DTNB: variants seen among roughly 807,000 people sequenced by gnomAD.
The protein encoded by DTNB is dystrobrevin beta, also known as DTN-B.
A neutral mutation model predicts 90.7 loss-of-function variants in DTNB; 63 were observed. The ratio of observed to expected loss-of-function variants is 0.69; its 90% confidence interval spans 0.57 to 0.86. DTNB has a LOEUF of 0.86. Ranked by LOEUF, DTNB falls within the 40% of genes least tolerant of loss-of-function variation. The pLI, the probability that DTNB is intolerant of heterozygous loss-of-function variation, is 0.00. For missense variants in DTNB, 744 were observed against 807.1 expected (o/e 0.92, Z 0.95); for synonymous variants, 277 against 286.7 (o/e 0.97, Z 0.34).
intron 8 of DTNB, among the ~76,000 whole-genome samples, chr2:25,571,578 G>A (rs1295514805): frequency 2.0e-5 from 3 of 152,068 alleles, no homozygotes; most frequent in Non-Finnish European, 4.4e-5. Context: ...TTCTAAGAGT[G>A]CTCAAATCTC....
chr2:25,597,741 T>C (rs1200620327), intron 5 of DTNB, among the ~76,000 whole-genome samples: 1 of 152,174 alleles, frequency 6.6e-6, no homozygotes, highest in African/African-American at 2.4e-5. Context: ...AACAAATACA[T>C]ATTAAGTTCC....
chr2:25,586,258 C>T (rs1022698245), intron 6 of DTNB, among the ~76,000 whole-genome samples: 1 of 152,094 alleles, frequency 6.6e-6, no homozygotes, highest in East Asian at 1.9e-4. Flanking sequence ...CACCTATAAT[C>T]CCAACACTTT....
intron 2 of DTNB, among the ~76,000 whole-genome samples, chr2:25,641,652 T>C (rs1442899436): frequency 6.6e-6 from 1 of 152,174 alleles, no homozygotes; most frequent in Non-Finnish European, 1.5e-5. Flanking sequence ...CAGCTTCCTA[T>C]ATTTTGTGTA....
At chr2:25,383,231 T>G (rs1558794742) in intron 19 of DTNB, among the ~76,000 whole-genome samples, 1 of 118,726 alleles carries the variant, frequency 8.4e-6, no homozygotes, top group Non-Finnish European at 1.9e-5. Flanking sequence ...TTTTTTTTTT[T>G]GGAGATGGAG....
intron 12 of DTNB, among the ~76,000 whole-genome samples, chr2:25,442,349 G>A (rs2057606269): frequency 6.6e-6 from 1 of 152,194 alleles, no homozygotes; most frequent in Admixed American, 6.5e-5. Flanking sequence ...GTTTCTCTTG[G>A]TCAGTGGTTA....
intron 8 of DTNB, among the ~76,000 whole-genome samples, chr2:25,540,635 T>G (rs1018730298): frequency 2.6e-5 from 4 of 152,026 alleles, no homozygotes; most frequent in African/African-American, 9.7e-5. Context: ...AGAAATCGGA[T>G]GGTTGCTGTG....
chr2:25,609,011 C>G (rs532888346), intron 4 of DTNB, among the ~76,000 whole-genome samples: 1 of 152,260 alleles, frequency 6.6e-6, no homozygotes, highest in African/African-American at 2.4e-5. Context: ...GCACCCAGAG[C>G]CCAGCATCAG....
chr2:25,491,663 T>A (rs1036117810), intron 9 of DTNB, among the ~76,000 whole-genome samples: 2 of 152,042 alleles, frequency 1.3e-5, no homozygotes, highest in Admixed American at 6.6e-5. Flanking sequence ...GGAACAGTGG[T>A]ATATTCTTTT....
chr2:25,631,155 T>C (rs573635604), intron 3 of DTNB, among the ~76,000 whole-genome samples: 4 of 152,328 alleles, frequency 2.6e-5, no homozygotes, highest in South Asian at 2.1e-4. Context: ...TTTGTGGATA[T>C]ACTAAAAATC....
At chr2:25,510,141 T>A (rs969288736) in intron 9 of DTNB, among the ~76,000 whole-genome samples, 1 of 152,238 alleles carries the variant, frequency 6.6e-6, no homozygotes, top group Admixed American at 6.5e-5. Context: ...ATTTTTTTTA[T>A]TTTGTCCTTC....
intron 11 of DTNB, among the ~76,000 whole-genome samples, chr2:25,451,907 A>C (rs1404641707): frequency 1.3e-5 from 2 of 152,222 alleles, no homozygotes; most frequent in Non-Finnish European, 2.9e-5. Flanking sequence ...GAGAAAACAC[A>C]GGGCACCCAC....
At chr2:25,537,415 A>C (rs2080077123) in intron 8 of DTNB, among the ~76,000 whole-genome samples, 1 of 152,224 alleles carries the variant, frequency 6.6e-6, no homozygotes. Flanking sequence ...ATAGAAAGGT[A>C]AAATCAATAC....
intron 4 of DTNB, among the ~76,000 whole-genome samples, chr2:25,626,823 A>G (rs1410639362): frequency 6.6e-6 from 1 of 152,252 alleles, no homozygotes; most frequent in Non-Finnish European, 1.5e-5. Flanking sequence ...ACAGCAAAAA[A>G]TGAAGCAGAG....
intron 9 of DTNB, among the ~76,000 whole-genome samples, chr2:25,517,844 A>G (rs1233510096): frequency 6.6e-6 from 1 of 152,216 alleles, no homozygotes; most frequent in Non-Finnish European, 1.5e-5. Flanking sequence ...AAAATATGGT[A>G]TCTACATACA....
At chr2:25,473,411 A>G (rs759228136) in intron 10 of DTNB, among the ~76,000 whole-genome samples, 12 of 149,312 alleles carry the variant, frequency 8.0e-5, no homozygotes, top group Non-Finnish European at 1.7e-4. Flanking sequence ...CTTAGGAGAT[A>G]AGGTCAAAAC....
At chr2:25,590,946 A>G (rs2148345466) in intron 6 of DTNB, among the ~76,000 whole-genome samples, 1 of 152,346 alleles carries the variant, frequency 6.6e-6, no homozygotes, top group East Asian at 1.9e-4. Flanking sequence ...GCCAGTGCCA[A>G]GCTGCCCTCA....
chr2:25,580,718 T>C lies in DTNB; in HGVS notation c.709+3A>G. ...GGAATTGAACAATAAAAGTTCTGCT[T>C]ACCATTCTCAACATGGGCAAGCCTG... On this transcript the variant is annotated splice_donor_region_variant and intron_variant, in intron 7 of 20. Coordinates refer to ENST00000406818, the MANE Select transcript of DTNB (RefSeq NM_021907.5). 3 of 1,612,970 alleles carry C rather than the reference T, an allele frequency of 1.9e-6. No individual in the cohort carries two copies. Among genetic ancestry groups the C allele is most frequent in the Non-Finnish European group, 2.5e-6 (3 of 1,179,046 alleles).
intron 10 of DTNB, among the ~76,000 whole-genome samples, chr2:25,460,905 T>TG (rs942767813): frequency 1.3e-5 from 2 of 151,376 alleles, no homozygotes; most frequent in Non-Finnish European, 3.0e-5. Flanking sequence ...GTTTTTTGTT[T>TG]TTTTTTTTTT....
intron 9 of DTNB, among the ~76,000 whole-genome samples, chr2:25,495,984 G>GTT (rs1431000652): frequency 6.6e-6 from 1 of 152,148 alleles, no homozygotes; most frequent in African/African-American, 2.4e-5. Context: ...TATCAGACTT[G>GTT]TTTAATGAAC....
Sources: allele counts gnomAD v4.1 joint callset (sites outside exome capture counted in the v4.1 genomes callset), GRCh38; gene constraint gnomAD v4.1.1; transcripts MANE v1.5; gene names NCBI Gene and HGNC (gene_info 2026-07-23, HGNC 2026-07-21).